The following ST6GALNAC3 variants were observed in gnomAD, a reference collection of about 807,000 sequenced individuals.
ST6GALNAC3 encodes alpha-N-acetylgalactosaminide alpha-2,6-sialyltransferase 3.
A neutral mutation model predicts 32.7 loss-of-function variants in ST6GALNAC3; 25 were observed. The ratio of observed to expected loss-of-function variants is 0.76; its 90% CI spans 0.56 to 1.07. ST6GALNAC3 has a LOEUF of 1.07. Among genes scored for constraint, ST6GALNAC3 ranks in the 50% least tolerant of loss-of-function variants. ST6GALNAC3 has a pLI of 0.00. For synonymous variants in ST6GALNAC3, 129 were observed against 133.1 expected (o/e 0.97, Z 0.21); for missense variants, 355 against 382.4 (o/e 0.93, Z 0.60).
intron 1 of ST6GALNAC3, among the ~76,000 whole-genome samples, chr1:76,300,856 G>A (rs1356957895): frequency 1.3e-5 from 2 of 151,940 alleles, no homozygotes; most frequent in African/African-American, 4.8e-5. Context: ...TGGAGGGGCA[G>A]GACGGTTTCA....
chr1:76,396,480 A>G (rs1221773538), intron 2 of ST6GALNAC3, among the ~76,000 whole-genome samples: 2 of 152,090 alleles, frequency 1.3e-5, no homozygotes, highest in Admixed American at 6.5e-5. Context: ...AAATAAATAA[A>G]TAAATGACCA....
chr1:76,627,977 C>T (rs1302953197), intron 4 of ST6GALNAC3, among the ~76,000 whole-genome samples: 1 of 151,900 alleles, frequency 6.6e-6, no homozygotes, highest in Non-Finnish European at 1.5e-5. Flanking sequence ...GAGAAACTGA[C>T]AGCTTAACAA....
intron 2 of ST6GALNAC3, among the ~76,000 whole-genome samples, chr1:76,401,472 T>C (rs1320117041): frequency 2.0e-5 from 3 of 152,206 alleles, no homozygotes; most frequent in Non-Finnish European, 4.4e-5. Flanking sequence ...GTCTATATCC[T>C]GTAATTCCGT....
At chr1:76,307,257 A>G (rs1466770510) in intron 1 of ST6GALNAC3, among the ~76,000 whole-genome samples, 1 of 152,090 alleles carries the variant, frequency 6.6e-6, no homozygotes, top group Non-Finnish European at 1.5e-5. Flanking sequence ...CTATAGTTTA[A>G]TAAGCGGGAT....
At chr1:76,176,930 C>T (rs1360902297) in intron 1 of ST6GALNAC3, among the ~76,000 whole-genome samples, 1 of 152,100 alleles carries the variant, frequency 6.6e-6, no homozygotes, top group South Asian at 2.1e-4. Context: ...CTGGTTAATG[C>T]CTGGTGCAGT....
At chr1:76,301,135 T>G (rs1660705541) in intron 1 of ST6GALNAC3, among the ~76,000 whole-genome samples, 1 of 152,078 alleles carries the variant, frequency 6.6e-6, no homozygotes, top group African/African-American at 2.4e-5. Context: ...AAAAGAAAAT[T>G]AAGATGTCTG....
At chr1:76,613,802 C>G (rs1648098959) in intron 3 of ST6GALNAC3, among the ~76,000 whole-genome samples, 1 of 152,228 alleles carries the variant, frequency 6.6e-6, no homozygotes, top group African/African-American at 2.4e-5. Context: ...AGCAATGCTT[C>G]CTGGGTAGCC....
chr1:76,196,771 CTT>C (rs1227179294), intron 1 of ST6GALNAC3, among the ~76,000 whole-genome samples: 1 of 152,040 alleles, frequency 6.6e-6, no homozygotes, highest in Non-Finnish European at 1.5e-5. Flanking sequence ...CCTCTCAATA[CTT>C]TTTTTAAAGA....
At chr1:76,256,024 A>ACACACACC (rs1657901048) in intron 1 of ST6GALNAC3, among the ~76,000 whole-genome samples, 1 of 151,858 alleles carries the variant, frequency 6.6e-6, no homozygotes, top group Non-Finnish European at 1.5e-5. Context: ...TAACACACAC[A>ACACACACC]CACACACACA....
chr1:76,318,926 C>A (rs772072110), intron 2 of ST6GALNAC3, among the ~76,000 whole-genome samples: 2 of 152,076 alleles, frequency 1.3e-5, no homozygotes. Flanking sequence ...AAGGAGAAAA[C>A]GAACTTCAAG....
At chr1:76,485,240 AT>A (rs1660030745) in intron 3 of ST6GALNAC3, among the ~76,000 whole-genome samples, 1 of 152,230 alleles carries the variant, frequency 6.6e-6, no homozygotes, top group African/African-American at 2.4e-5. Context: ...GCCTCATAAA[AT>A]GAGTTAGGGA....
intron 3 of ST6GALNAC3, among the ~76,000 whole-genome samples, chr1:76,450,955 T>C (rs565096008): frequency 9.2e-5 from 14 of 152,344 alleles, no homozygotes; most frequent in African/African-American, 3.4e-4. Context: ...ACTATGGCCT[T>C]ATAGTATAGT....
rs868415577 is a variant in ST6GALNAC3, at chr1:76,630,012, T to C, written c.*1206T>C. The C allele has an allele frequency of 1.0e-6, 1 of 985,208 alleles. No individual in the cohort carries two copies. Among genetic ancestry groups the C allele is most frequent in the Middle Eastern group, 5.2e-4 (1 of 1,914 alleles). 61.0% of individuals were successfully genotyped at this position (985,208 alleles called of 1,614,324 possible). A position where few individuals can be genotyped will look rare whatever the true frequency, so the allele number is the denominator to read the frequency against. On this transcript the variant is annotated 3_prime_UTR_variant, in exon 5 of 5. Transcript: ENST00000328299. ...ATAATAATGTTCTTAATGTCCAAAG[T>C]GCTTTGTCATTTAGAGTCCTTTAAC...
chr1:76,210,567 G>A (rs913951414), intron 1 of ST6GALNAC3, among the ~76,000 whole-genome samples: 2 of 152,086 alleles, frequency 1.3e-5, no homozygotes, highest in East Asian at 3.9e-4. Context: ...TGCAGGCTGG[G>A]TGGCATAAAC....
At chr1:76,291,339 G>A (rs1456418038) in intron 1 of ST6GALNAC3, among the ~76,000 whole-genome samples, 1 of 152,198 alleles carries the variant, frequency 6.6e-6, no homozygotes. Flanking sequence ...AGCCGAAGGG[G>A]CATCCTGCAG....
chr1:76,151,392 G>A (rs1651031173), intron 1 of ST6GALNAC3, among the ~76,000 whole-genome samples: 1 of 152,200 alleles, frequency 6.6e-6, no homozygotes, highest in South Asian at 2.1e-4. Context: ...ATAAGGCCAG[G>A]CCATTTGAAA....
chr1:76,517,165 T>C (rs1370909634), intron 3 of ST6GALNAC3, among the ~76,000 whole-genome samples: 3 of 151,838 alleles, frequency 2.0e-5, no homozygotes, highest in Admixed American at 6.6e-5. Flanking sequence ...ATTTTATCTA[T>C]AGATTTATAT....
chr1:76,458,985 T>C (rs1658077455), intron 3 of ST6GALNAC3, among the ~76,000 whole-genome samples: 2 of 152,136 alleles, frequency 1.3e-5, no homozygotes, highest in South Asian at 4.1e-4. Context: ...TCTGTTTTAA[T>C]GTAAAAATAA....
At chr1:76,098,757 T>C (rs1046745482) in intron 1 of ST6GALNAC3, among the ~76,000 whole-genome samples, 1 of 152,176 alleles carries the variant, frequency 6.6e-6, no homozygotes, top group Non-Finnish European at 1.5e-5. Flanking sequence ...GTGTCTTTTA[T>C]GAACAAAACA....
Sources: gnomAD v4.1 joint callset for allele counts (sites outside exome capture counted in the v4.1 genomes callset) on GRCh38, gnomAD v4.1.1 for gene constraint, MANE v1.5 for transcripts, NCBI Gene and HGNC (gene_info 2026-07-23, HGNC 2026-07-21) for gene names.